The following KIZ variants were observed in gnomAD, a reference collection of about 807,000 sequenced individuals.
The protein encoded by KIZ is centrosomal protein kizuna.
In KIZ, 68 loss-of-function variants were observed where a neutral mutation model predicts 79.6. The ratio of observed to expected loss-of-function variants is 0.85; its 90% CI spans 0.70 to 1.05. The LOEUF is 1.05. Ranked by LOEUF, KIZ falls within the 50% of genes least tolerant of loss-of-function variation. KIZ has a pLI of 0.00. For synonymous variants in KIZ, 280 were observed against 281.8 expected (o/e 0.99, Z 0.06); for missense variants, 797 against 800.4 (o/e 1.00, Z 0.05).
At chr20:21,194,215 G>A (rs2035239724) in intron 6 of KIZ, 1 of 152,124 alleles carries the variant, frequency 6.6e-6, no homozygotes, top group Non-Finnish European at 1.5e-5. Context: ...TGCCATTTGT[G>A]TCCACAAGTT....
chr20:21,135,557 G>T (rs1233517881), intron 2 of KIZ, among the ~76,000 whole-genome samples: 1 of 152,200 alleles, frequency 6.6e-6, no homozygotes, highest in African/African-American at 2.4e-5. Context: ...CAGCATCTTT[G>T]CAAATCTTTG....
intron 1 of KIZ, 95 bp from the exon 2 acceptor site, chr20:21,132,002 T>A (rs556556050): frequency 3.0e-6 from 2 of 656,124 alleles, no homozygotes; most frequent in African/African-American, 3.8e-5. Context: ...AATCAACACC[T>A]TGCAACAAAG....
intron 4 of KIZ, 139 bp from the exon 5 acceptor site, chr20:21,161,732 G>A: frequency 1.7e-6 from 1 of 581,214 alleles, no homozygotes; most frequent in Non-Finnish European, 3.0e-6. Flanking sequence ...AGGAAGCCAT[G>A]AGTTTAATAA....
At chr20:21,167,657 G>A (rs911455429) in intron 6 of KIZ, among the ~76,000 whole-genome samples, 1 of 151,342 alleles carries the variant, frequency 6.6e-6, no homozygotes, top group East Asian at 2.0e-4. Flanking sequence ...CACCTCCCGG[G>A]TGCAAGCTAG....
intron 1 of KIZ, among the ~76,000 whole-genome samples, chr20:21,128,613 A>G (rs190405834): frequency 6.6e-5 from 10 of 152,350 alleles, no homozygotes; most frequent in Admixed American, 1.3e-4. Context: ...CTATGTGTGT[A>G]CAGTGTTTTT....
At chr20:21,166,997 T>C (rs1481930310) in intron 6 of KIZ, among the ~76,000 whole-genome samples, 1 of 152,192 alleles carries the variant, frequency 6.6e-6, no homozygotes, top group African/African-American at 2.4e-5. Flanking sequence ...GCATGCAGCC[T>C]CTAGGGGCTA....
rs144607778 is a variant in KIZ, at chr20:21,222,578, G to A, written c.1679-6433G>A. Among the ~76,000 whole-genome samples, 12 of 152,296 alleles carry A rather than the reference G, an allele frequency of 7.9e-5. No individual in the cohort carries two copies. The East Asian group carries it at 2.1e-3, about 27-fold the overall frequency. ...ATTTTCCTAGGGCTGTTGTAACAAA[G>A]TATCACAAACTTAAAACAACAGAAA... On this transcript the variant is annotated intron_variant, in intron 9 of 12. Transcript: ENST00000619189.
chr20:21,236,992 T>A (rs184656762), intron 11 of KIZ, among the ~76,000 whole-genome samples: 1 of 145,884 alleles, frequency 6.9e-6, no homozygotes. Flanking sequence ...AGCAAGACTC[T>A]GTTTAAAAAA....
At chr20:21,239,307 C>T (rs957380497) in intron 11 of KIZ, among the ~76,000 whole-genome samples, 1 of 152,334 alleles carries the variant, frequency 6.6e-6, no homozygotes, top group East Asian at 1.9e-4. Context: ...GCAGGGTTCT[C>T]CCTGCCCTAC....
chr20:21,145,884 C>T (rs1568918224), intron 4 of KIZ, among the ~76,000 whole-genome samples: 1 of 152,168 alleles, frequency 6.6e-6, no homozygotes, highest in African/African-American at 2.4e-5. Context: ...AAGAAAACCT[C>T]AGTGTTGTCA....
intron 7 of KIZ, chr20:21,214,115 C>T (rs1292617533): frequency 6.5e-6 from 1 of 154,146 alleles, no homozygotes; most frequent in African/African-American, 2.4e-5. Context: ...GAAAGTAATT[C>T]TGTCTGACAT....
Position 21,176,030 on chromosome 20 carries a change from C to T in KIZ, c.1352+12871C>T, listed in dbSNP as rs553643535. On this transcript the variant is annotated intron_variant, in intron 6 of 12. Coordinates refer to ENST00000619189, the MANE Select transcript of KIZ (RefSeq NM_018474.6). Reference sequence around the variant, plus strand: ...GACCCTGTCTGAAAAAAAATGGAGGCTGGGCACGGTGGCTCACGCCTATAA... The same window carrying T: ...GACCCTGTCTGAAAAAAAATGGAGGTTGGGCACGGTGGCTCACGCCTATAA... Among the ~76,000 whole-genome samples, 8 of 152,154 alleles carry T rather than the reference C, an allele frequency of 5.3e-5. No individual in the cohort carries two copies. In the South Asian group the frequency reaches 1.7e-3, roughly 32 times the overall value.
At position 21,162,957 on chromosome 20, in the gene KIZ, G is replaced by A. The variant is rs781287302; in HGVS notation, c.1150G>A (p.Glu384Lys). The A allele has an allele frequency of 2.7e-5, 43 of 1,613,724 alleles. 2 individuals are homozygous for A. In the Admixed American group the frequency reaches 6.8e-4, roughly 26 times the overall value. Residue 384 changes from glutamate to lysine, a missense_variant, in exon 6 of 13, where the codon GAA becomes AAA. Physicochemically the swap from Glu to Lys is moderately conservative, Grantham distance 56 (BLOSUM62 1). Coordinates refer to ENST00000619189, the MANE Select transcript of KIZ (RefSeq NM_018474.6). Reference sequence around the variant, plus strand: ...CAGTGACCTTACCATTTCAATAAGTGAAGATGATCTGATTTTAGAGAGCCC... The same window carrying A: ...CAGTGACCTTACCATTTCAATAAGTAAAGATGATCTGATTTTAGAGAGCCC... ...TSSDLTISIS[E>K]DDLILESPEP...
chr20:21,212,535 A>C (rs79961886), intron 7 of KIZ, among the ~76,000 whole-genome samples: 12 of 152,242 alleles, frequency 7.9e-5, no homozygotes. Flanking sequence ...AAGCTTAACT[A>C]TGATGTTCAG....
chr20:21,220,452 C>T (rs980010247), intron 9 of KIZ, among the ~76,000 whole-genome samples: 6 of 151,912 alleles, frequency 3.9e-5, no homozygotes, highest in Non-Finnish European at 5.9e-5. Context: ...ATTTCACTGC[C>T]CTGCCTCTTT....
At chr20:21,235,000 G>A (rs1021124731) in intron 11 of KIZ, among the ~76,000 whole-genome samples, 2 of 152,212 alleles carry the variant, frequency 1.3e-5, no homozygotes, top group African/African-American at 2.4e-5. Context: ...CTTTTCAGCC[G>A]CCTTTGAGAG....
At chr20:21,145,194 A>G (rs922770881) in intron 3 of KIZ, among the ~76,000 whole-genome samples, 3 of 151,936 alleles carry the variant, frequency 2.0e-5, no homozygotes, top group Admixed American at 2.0e-4. Flanking sequence ...CAAAACTTCT[A>G]AAAGGAAACA....
At chr20:21,220,306 A>T (rs1568989776) in intron 9 of KIZ, among the ~76,000 whole-genome samples, 2 of 151,924 alleles carry the variant, frequency 1.3e-5, no homozygotes, top group African/African-American at 4.8e-5. Flanking sequence ...ACAGTCCTAT[A>T]GGGTAAACAT....
intron 7 of KIZ, among the ~76,000 whole-genome samples, chr20:21,207,540 T>C (rs1364209922): frequency 6.9e-6 from 1 of 144,130 alleles, no homozygotes. Context: ...CTTTCTCTCT[T>C]TTCCCTCTTC....
Sources: allele counts gnomAD v4.1 joint callset (sites outside exome capture counted in the v4.1 genomes callset), GRCh38; gene constraint gnomAD v4.1.1; transcripts MANE v1.5; gene names NCBI Gene and HGNC (gene_info 2026-07-23, HGNC 2026-07-21).